Variants in GPHN observed in about 807,000 individuals in gnomAD.
GPHN encodes the protein gephyrin.
GPHN carries 17 observed loss-of-function variants against 95.5 expected under a neutral mutation model. The observed-to-expected ratio is 0.18, with a 90% CI of 0.12 to 0.27. The LOEUF (loss-of-function observed/expected upper bound fraction) is 0.27. GPHN is among the 10% of genes least tolerant of loss of function. The pLI is 1.00. For synonymous variants in GPHN, 320 were observed against 322.5 expected (o/e 0.99, Z 0.08); for missense variants, 660 against 978.1 (o/e 0.67, Z 4.34).
chr14:67,433,460 A>C, the GPHN span, among the ~76,000 whole-genome samples: 1 of 152,186 alleles, frequency 6.6e-6, no homozygotes, highest in African/African-American at 2.4e-5. Context: ...TTGGAGGTAT[A>C]GAGGAAAACG....
chr14:66,582,705 G>A (rs2061240100), intron 1 of GPHN, among the ~76,000 whole-genome samples: 1 of 152,072 alleles, frequency 6.6e-6, no homozygotes, highest in South Asian at 2.1e-4. Flanking sequence ...CCCTACAAAG[G>A]ACATGAACTC....
chr14:66,515,860 C>T (rs960084419), intron 1 of GPHN, among the ~76,000 whole-genome samples: 1 of 152,196 alleles, frequency 6.6e-6, no homozygotes, highest in African/African-American at 2.4e-5. Context: ...TCTAGCACTA[C>T]TGTGAAAACA....
the GPHN span, among the ~76,000 whole-genome samples, chr14:67,254,531 T>A: frequency 6.6e-6 from 1 of 152,330 alleles, no homozygotes; most frequent in East Asian, 1.9e-4. Flanking sequence ...TGTATTCTCA[T>A]TAGCCTTCCT....
At chr14:66,617,458 T>G (rs2063098287) in intron 1 of GPHN, among the ~76,000 whole-genome samples, 1 of 152,140 alleles carries the variant, frequency 6.6e-6, no homozygotes, top group South Asian at 2.1e-4. Flanking sequence ...ATGGGGAGGG[T>G]GTTCCCCTGC....
the GPHN span, among the ~76,000 whole-genome samples, chr14:67,438,492 CCT>C: frequency 1.3e-5 from 2 of 152,170 alleles, no homozygotes; most frequent in African/African-American, 4.8e-5. Context: ...GGGCAGGTCA[CCT>C]CTCTAAACTA....
At chr14:67,551,912 G>C in the GPHN span, among the ~76,000 whole-genome samples, 19 of 152,232 alleles carry the variant, frequency 1.2e-4, no homozygotes, top group Admixed American at 1.0e-3. Context: ...TTCTCAAAGG[G>C]ATCATTGAGA....
the GPHN span, chr14:67,376,320 T>G: frequency 2.0e-6 from 2 of 1,003,710 alleles, no homozygotes; most frequent in Admixed American, 2.8e-5. Context: ...TATTTCCCTA[T>G]GGAGATCTTT....
rs373688670 is a variant in GPHN, at chr14:66,804,005, GT to G, written c.202-20461del. Among the ~76,000 whole-genome samples, 7 of 151,048 alleles carry G rather than the reference GT, an allele frequency of 4.6e-5. No homozygotes were observed. The East Asian group carries it at 7.8e-4, about 17-fold the overall frequency. On this transcript the variant is annotated intron_variant, in intron 3 of 22. Transcript: ENST00000478722. Reference sequence around the variant, plus strand: ...AACTTTCAATGCATCTCTTTTGGGGGTTTTTTTTGTTCTGTTTTTTCCTCTC... The same window carrying G: ...AACTTTCAATGCATCTCTTTTGGGGGTTTTTTTGTTCTGTTTTTTCCTCTC...
the GPHN span, chr14:67,645,706 T>C: frequency 1.2e-6 from 2 of 1,613,978 alleles, no homozygotes; most frequent in Non-Finnish European, 1.7e-6. Flanking sequence ...TTGTCTGGGT[T>C]GATGCCCATG....
the GPHN span, chr14:67,593,988 C>T: frequency 4.1e-3 from 5,842 of 1,417,476 alleles, 356 homozygotes; most frequent in East Asian, 0.12. Context: ...GTAAGATTAC[C>T]AAGTGGTACC....
intron 9 of GPHN, among the ~76,000 whole-genome samples, chr14:67,022,568 GGTGTGTGT>G (rs72312422): frequency 8.6e-4 from 18 of 20,880 alleles, no homozygotes; most frequent in African/African-American, 2.1e-3. Flanking sequence ...TTTTTTTTTT[GGTGTGTGT>G]GTGTGTGTGT....
chr14:67,320,532 AT>A, the GPHN span: 11 of 776,552 alleles, frequency 1.4e-5, no homozygotes, highest in East Asian at 3.3e-4. Context: ...TTAACCAAAG[AT>A]TTTGACAATT....
the GPHN span, chr14:67,600,212 C>T: frequency 3.0e-5 from 47 of 1,562,022 alleles, no homozygotes; most frequent in Non-Finnish European, 3.8e-5. Flanking sequence ...ATGACGCCCC[C>T]ACTCGGCCGC....
At chr14:66,767,751 CCA>C (rs1390445012) in intron 2 of GPHN, among the ~76,000 whole-genome samples, 9 of 151,984 alleles carry the variant, frequency 5.9e-5, no homozygotes, top group African/African-American at 1.7e-4. Flanking sequence ...CATGTCCAAG[CCA>C]CAGTTAAATA....
At chr14:66,579,409 C>A (rs185309064) in intron 1 of GPHN, among the ~76,000 whole-genome samples, 2 of 150,464 alleles carry the variant, frequency 1.3e-5, no homozygotes, top group African/African-American at 2.4e-5. Context: ...AGATACAGAG[C>A]AGCTGAATGG....
the GPHN span, among the ~76,000 whole-genome samples, chr14:67,415,249 A>G: frequency 6.6e-6 from 1 of 151,962 alleles, no homozygotes; most frequent in Admixed American, 6.6e-5. Flanking sequence ...TTTTATTTAA[A>G]ATTTTTGAAC....
the GPHN span, among the ~76,000 whole-genome samples, chr14:67,539,762 G>A: frequency 3.3e-5 from 5 of 152,148 alleles, no homozygotes; most frequent in African/African-American, 7.2e-5. Flanking sequence ...TTAACTAGCT[G>A]TACAATTATC....
intron 1 of GPHN, among the ~76,000 whole-genome samples, chr14:66,550,484 A>C (rs1035985586): frequency 6.6e-6 from 1 of 152,226 alleles, no homozygotes; most frequent in African/African-American, 2.4e-5. Flanking sequence ...TCCTGGTGAT[A>C]ATGCTATAGA....
chr14:67,580,009 C>T, the GPHN span: 2 of 818,298 alleles, frequency 2.4e-6, no homozygotes, highest in Non-Finnish European at 3.7e-6. Context: ...CTGCCCTAGT[C>T]AGCATTTCTG....
Sources: gnomAD v4.1 joint callset for allele counts (sites outside exome capture counted in the v4.1 genomes callset) on GRCh38, gnomAD v4.1.1 for gene constraint, MANE v1.5 for transcripts, NCBI Gene and HGNC (gene_info 2026-07-23, HGNC 2026-07-21) for gene names.